SLCO1A2: variants seen among roughly 807,000 people sequenced by gnomAD.
SLCO1A2 encodes the protein OATP-1.
Under a neutral mutation model 69.0 loss-of-function variants are expected in SLCO1A2, and 67 were observed. The ratio of observed to expected loss-of-function variants is 0.97; its 90% confidence interval spans 0.80 to 1.19. The LOEUF is 1.19. SLCO1A2 is among the 50% of genes most tolerant of loss of function. SLCO1A2 has a pLI of 0.00. For missense variants in SLCO1A2, 787 were observed against 793.7 expected (o/e 0.99, Z 0.10); for synonymous variants, 260 against 265.9 (o/e 0.98, Z 0.22).
chr12:21,319,576 T>C, intron 2 of SLCO1A2: 1 of 788,566 alleles, frequency 1.3e-6, no homozygotes, highest in South Asian at 1.5e-5. Context: ...TCAGGGTTTC[T>C]CAGCTGCAGT....
At chr12:21,387,335 T>C (rs1307316167) in intron 1 of SLCO1A2, among the ~76,000 whole-genome samples, 1 of 152,172 alleles carries the variant, frequency 6.6e-6, no homozygotes, top group East Asian at 1.9e-4. Context: ...GTCAGAGACC[T>C]TCACAGCAGC....
intron 2 of SLCO1A2, among the ~76,000 whole-genome samples, chr12:21,329,638 G>A (rs943191917): frequency 1.9e-4 from 29 of 151,082 alleles, no homozygotes; most frequent in Non-Finnish European, 3.7e-4. Context: ...CCCTACCATA[G>A]GTAACCACAT....
intron 1 of SLCO1A2, among the ~76,000 whole-genome samples, chr12:21,411,915 C>T (rs1256216064): frequency 6.6e-6 from 1 of 152,048 alleles, no homozygotes; most frequent in African/African-American, 2.4e-5. Flanking sequence ...GATCAGCCCA[C>T]CTTAGCCTCC....
chr12:21,349,240 G>GA (rs1448868810), intron 2 of SLCO1A2, among the ~76,000 whole-genome samples: 1 of 151,998 alleles, frequency 6.6e-6, no homozygotes, highest in Non-Finnish European at 1.5e-5. Flanking sequence ...GAGAAGGATA[G>GA]AAAAAAGATG....
intron 8 of SLCO1A2, among the ~76,000 whole-genome samples, chr12:21,299,819 CAT>C (rs371364103): frequency 0.016 from 2,055 of 125,104 alleles, 52 homozygotes; most frequent in African/African-American, 0.066. Context: ...TACACACACA[CAT>C]ATACACACAC....
chr12:21,341,727 C>G (rs1229059033), intron 2 of SLCO1A2, among the ~76,000 whole-genome samples: 1 of 151,968 alleles, frequency 6.6e-6, no homozygotes, highest in Admixed American at 6.6e-5. Context: ...GCATGTAGTT[C>G]AAGGTCAGGA....
intron 2 of SLCO1A2, among the ~76,000 whole-genome samples, chr12:21,321,262 GTACTCCC>G (rs1024209087): frequency 6.6e-6 from 1 of 151,940 alleles, no homozygotes; most frequent in African/African-American, 2.4e-5. Flanking sequence ...CCTCTGTCTT[GTACTCCC>G]TACCCTTTTG....
chr12:21,292,140 T>C (rs748772740), intron 12 of SLCO1A2, 24 bp downstream of exon 12: 4 of 1,498,162 alleles, frequency 2.7e-6, no homozygotes, highest in South Asian at 2.6e-5. Context: ...CAAAAAAATA[T>C]AAATAAAGAA....
intron 2 of SLCO1A2, among the ~76,000 whole-genome samples, chr12:21,344,254 T>G (rs1047397440): frequency 6.6e-6 from 1 of 152,028 alleles, no homozygotes; most frequent in Non-Finnish European, 1.5e-5. Flanking sequence ...TTTAGCATAA[T>G]AAGAAGCTGA....
chr12:21,276,707 G>T lies in SLCO1A2; in HGVS notation c.1611-1283C>A, dbSNP rs558243974. On this transcript the variant is annotated intron_variant, in intron 12 of 14. Coordinates refer to ENST00000683939, the MANE Select transcript of SLCO1A2 (RefSeq NM_001386879.1). ...TCCCATCCCCCAGCAGTGGCCACAT[G>T]GCATGGAGAAGGAATCTGAGCACTT... 3.3e-5 allele frequency among the ~76,000 whole-genome samples: 5 copies of T among 152,268 alleles called. No individual in the cohort carries two copies. In the South Asian group the frequency reaches 1.0e-3, roughly 32 times the overall value.
At chr12:21,401,049 A>T (rs1450623236) in intron 1 of SLCO1A2, among the ~76,000 whole-genome samples, 2 of 151,972 alleles carry the variant, frequency 1.3e-5, no homozygotes, top group Non-Finnish European at 2.9e-5. Context: ...AGACAAAAAA[A>T]AAATCAGGAA....
intron 2 of SLCO1A2, among the ~76,000 whole-genome samples, chr12:21,322,142 C>A (rs1199417081): frequency 6.6e-6 from 1 of 152,186 alleles, no homozygotes; most frequent in Non-Finnish European, 1.5e-5. Flanking sequence ...GCTGCTACAA[C>A]AAAATACCCT....
At chr12:21,280,874 T>C (rs552197300) in intron 12 of SLCO1A2, among the ~76,000 whole-genome samples, 110 of 152,032 alleles carry the variant, frequency 7.2e-4, no homozygotes, top group Non-Finnish European at 1.4e-3. Flanking sequence ...CCAAAAAAAA[T>C]TGAAATAATA....
At chr12:21,370,826 C>T (rs982767190) in intron 2 of SLCO1A2, among the ~76,000 whole-genome samples, 2 of 152,074 alleles carry the variant, frequency 1.3e-5, no homozygotes, top group Admixed American at 6.6e-5. Flanking sequence ...TGTCACTGGC[C>T]CTGGTATGCT....
chr12:21,391,473 T>A (rs545449177), intron 1 of SLCO1A2, among the ~76,000 whole-genome samples: 1 of 152,262 alleles, frequency 6.6e-6, no homozygotes, highest in South Asian at 2.1e-4. Context: ...AAAATTATAA[T>A]CCTGGTGTCT....
rs1269954532 is a variant in SLCO1A2, at chr12:21,290,110, T to C, written c.1610+2054A>G. On this transcript the variant is annotated intron_variant, in intron 12 of 14. Transcript: ENST00000683939. ...ACATATATATGTATATATGTGCATA[T>C]ATAATTTATATATTTATATATAGTA... 2.0e-5 allele frequency among the ~76,000 whole-genome samples: 3 copies of C among 151,944 alleles called. No individual in the cohort carries two copies. In the East Asian group the frequency reaches 5.8e-4, roughly 29 times the overall value.
chr12:21,361,707 G>C (rs1938904516), intron 2 of SLCO1A2, among the ~76,000 whole-genome samples: 1 of 152,152 alleles, frequency 6.6e-6, no homozygotes, highest in Non-Finnish European at 1.5e-5. Context: ...TAAATGACCT[G>C]ATGGAGCTGA....
In SLCO1A2 at chr12:21,300,453, T is replaced by C. The variant is rs747907781; in HGVS notation, c.805A>G (p.Thr269Ala). 9 of 1,613,532 alleles carry C rather than the reference T, an allele frequency of 5.6e-6. No individual in the cohort carries two copies. The highest frequency in any genetic ancestry group is 2.5e-6 in the Non-Finnish European group (3 of 1,179,788). The change falls in exon 8 of 15, where the codon ACA becomes GCA. Residue 269 changes from threonine to alanine, a missense_variant. By Grantham distance (58) the Thr-to-Ala change is moderately conservative. Coordinates refer to ENST00000683939, the MANE Select transcript of SLCO1A2 (RefSeq NM_001386879.1). ...TAIPFFFLPN[T>A]LPKEGLETNA... ...GTCTCTAGTCCTTCCTTTGGAAGTG[T>C]GTTGGGCAAAAAGAAAAAAGGAATG...
At chr12:21,328,772 A>C (rs1414623755) in intron 2 of SLCO1A2, among the ~76,000 whole-genome samples, 2 of 152,148 alleles carry the variant, frequency 1.3e-5, no homozygotes, top group African/African-American at 4.8e-5. Context: ...ACTAGTCCCA[A>C]GACCAAAAAA....
Sources: allele counts gnomAD v4.1 joint callset (sites outside exome capture counted in the v4.1 genomes callset), GRCh38; gene constraint gnomAD v4.1.1; transcripts MANE v1.5; gene names NCBI Gene and HGNC (gene_info 2026-07-23, HGNC 2026-07-21).